Variants in OR56A3 observed in about 807,000 individuals in gnomAD.
OR56A3 encodes olfactory receptor family 56 subfamily A member 3, also known as olfactory receptor 56A3.
A neutral mutation model predicts 17.5 loss-of-function variants in OR56A3; 23 were observed. The observed-to-expected ratio is 1.32, with a 90% CI of 0.95 to 1.87. The LOEUF (loss-of-function observed/expected upper bound fraction) is 1.87, where lower values mean the gene tolerates loss of function less well. OR56A3 is among the 40% of genes most tolerant of loss of function. The pLI is 0.00. For missense variants in OR56A3, 366 were observed against 380.1 expected, an observed-to-expected ratio of 0.96 and a Z score of 0.31; for synonymous variants, 175 against 150.6, an observed-to-expected ratio of 1.16 and a Z score of -1.19.
chr11:5,948,305 T>A lies in OR56A3; in HGVS notation c.*11T>A, dbSNP rs138710249. On this transcript the variant is annotated 3_prime_UTR_variant, in exon 3 of 3. Transcript: ENST00000641160. Reference sequence around the variant, plus strand: ...AAGAAAGGGTGCTAACAAGGACCACTGGATCTCTGAATATCTAAAATAAGA... The same window carrying A: ...AAGAAAGGGTGCTAACAAGGACCACAGGATCTCTGAATATCTAAAATAAGA... The A allele has an allele frequency of 8.8e-5, 136 of 1,551,902 alleles. No individual in the cohort carries two copies. In the African/African-American group the frequency reaches 1.6e-3, roughly 18 times the overall value.
the OR56A3 span, among the ~76,000 whole-genome samples, chr11:6,008,766 C>T: frequency 6.6e-6 from 1 of 151,950 alleles, no homozygotes; most frequent in African/African-American, 2.4e-5. Context: ...TGCAGTACAA[C>T]AAAGAATCAT....
the OR56A3 span, among the ~76,000 whole-genome samples, chr11:6,005,327 C>CA: frequency 3.3e-5 from 5 of 152,120 alleles, no homozygotes; most frequent in South Asian, 2.1e-4. Flanking sequence ...AAGGTAAGAA[C>CA]AAAAAAACCT....
chr11:5,967,706 G>A, the OR56A3 span: 1 of 1,613,382 alleles, frequency 6.2e-7, no homozygotes, highest in East Asian at 2.2e-5. Flanking sequence ...CCAGGTTAGT[G>A]ATGACCAGAA....
chr11:6,016,861 A>C, the OR56A3 span: 1 of 152,028 alleles, frequency 6.6e-6, no homozygotes, highest in Non-Finnish European at 1.5e-5. Flanking sequence ...GAACTGAATA[A>C]TTCAGTGAAA....
the OR56A3 span, among the ~76,000 whole-genome samples, chr11:6,011,501 C>CAA: frequency 0.37 from 56,537 of 151,854 alleles, 10,793 homozygotes; most frequent in African/African-American, 0.44. Flanking sequence ...TGCCTCAGTT[C>CAA]AAAACATGTC....
At chr11:6,016,466 C>A in the OR56A3 span, among the ~76,000 whole-genome samples, 1 of 151,982 alleles carries the variant, frequency 6.6e-6, no homozygotes, top group Admixed American at 6.5e-5. Flanking sequence ...GCTAAAGTGC[C>A]CTACCCAACT....
At chr11:5,986,718 T>C in the OR56A3 span, 4 of 1,613,894 alleles carry the variant, frequency 2.5e-6, no homozygotes, top group Non-Finnish European at 3.4e-6. Flanking sequence ...GGTGCAAGGA[T>C]GGGTCCATCC....
At chr11:6,020,591 T>C in the OR56A3 span, 1 of 152,110 alleles carries the variant, frequency 6.6e-6, no homozygotes, top group African/African-American at 2.4e-5. Context: ...GGATTGCCTT[T>C]CTAATTTGAA....
chr11:5,978,204 T>C, the OR56A3 span, among the ~76,000 whole-genome samples: 1 of 152,218 alleles, frequency 6.6e-6, no homozygotes, highest in Non-Finnish European at 1.5e-5. Flanking sequence ...TTTGGTTCTA[T>C]ATGAATTTTA....
At chr11:6,018,542 A>C in the OR56A3 span, among the ~76,000 whole-genome samples, 3 of 152,170 alleles carry the variant, frequency 2.0e-5, no homozygotes, top group African/African-American at 7.2e-5. Flanking sequence ...GAATACAGCA[A>C]AAGCAGTGCT....
the OR56A3 span, among the ~76,000 whole-genome samples, chr11:5,989,859 A>C: frequency 6.6e-6 from 1 of 152,216 alleles, no homozygotes; most frequent in Admixed American, 6.5e-5. Context: ...AGCAGAAAGG[A>C]CTTTATTCCC....
the OR56A3 span, among the ~76,000 whole-genome samples, chr11:5,980,451 T>C: frequency 1.7e-3 from 261 of 152,306 alleles, no homozygotes; most frequent in African/African-American, 5.7e-3. Flanking sequence ...TTTGTCCTCA[T>C]TGATCACTGT....
the OR56A3 span, chr11:5,986,259 C>T: frequency 2.0e-5 from 32 of 1,613,932 alleles, no homozygotes; most frequent in Non-Finnish European, 2.6e-5. Context: ...CCAGCCCAAT[C>T]ACAAGCAAGG....
chr11:5,967,915 C>T, the OR56A3 span: 318 of 1,593,758 alleles, frequency 2.0e-4, 1 homozygote, highest in African/African-American at 3.9e-3. Flanking sequence ...AAGGTGATGT[C>T]ATCACAAGAG....
the OR56A3 span, among the ~76,000 whole-genome samples, chr11:5,977,559 T>C: frequency 3.9e-5 from 6 of 152,206 alleles, no homozygotes; most frequent in South Asian, 2.1e-4. Flanking sequence ...TTAATAAGGT[T>C]GTTTGGGTTT....
At chr11:5,962,531 CTTTTT>C in the OR56A3 span, among the ~76,000 whole-genome samples, 1 of 128,408 alleles carries the variant, frequency 7.8e-6, no homozygotes, top group Admixed American at 8.1e-5. Context: ...CTGGGCTTTT[CTTTTT>C]TTTTTTTTTT....
chr11:5,976,549 A>G, the OR56A3 span, among the ~76,000 whole-genome samples: 2 of 152,248 alleles, frequency 1.3e-5, no homozygotes, highest in African/African-American at 4.8e-5. Context: ...CTGTAGTAGT[A>G]ACACTTGTTC....
chr11:6,006,141 C>T, the OR56A3 span: 1 of 152,192 alleles, frequency 6.6e-6, no homozygotes, highest in Non-Finnish European at 1.5e-5. Flanking sequence ...AGGAATGCCT[C>T]CCAGATTTTT....
At chr11:5,996,942 A>G in the OR56A3 span, among the ~76,000 whole-genome samples, 2 of 152,238 alleles carry the variant, frequency 1.3e-5, no homozygotes, top group East Asian at 3.8e-4. Flanking sequence ...AGAGCAAGGC[A>G]GGATGAGATG....
Sources: allele counts gnomAD v4.1 joint callset (sites outside exome capture counted in the v4.1 genomes callset), GRCh38; gene constraint gnomAD v4.1.1; transcripts MANE v1.5; gene names NCBI Gene and HGNC (gene_info 2026-07-23, HGNC 2026-07-21).